The following AUH variants were observed in gnomAD, a reference collection of about 807,000 sequenced individuals.
AUH encodes the protein methylglutaconyl-CoA hydratase, mitochondrial.
A neutral mutation model predicts 42.3 loss-of-function variants in AUH; 29 were observed. The ratio of observed to expected loss-of-function variants is 0.69; its 90% CI spans 0.51 to 0.93. The LOEUF (loss-of-function observed/expected upper bound fraction) is 0.93, where lower values mean the gene tolerates loss of function less well. AUH is among the 40% of genes least tolerant of loss of function. AUH has a pLI of 0.00. For synonymous variants in AUH, 174 were observed against 166.4 expected, an observed-to-expected ratio of 1.05 and a Z score of -0.35; for missense variants, 452 against 438.1, an observed-to-expected ratio of 1.03 and a Z score of -0.28.
At chr9:91,245,924 G>A (rs373918428) in intron 6 of AUH, among the ~76,000 whole-genome samples, 1 of 152,166 alleles carries the variant, frequency 6.6e-6, no homozygotes, top group South Asian at 2.1e-4. Flanking sequence ...AGATGTGACG[G>A]GGATGGGGAC....
chr9:91,218,497 C>T (rs1350136607), intron 7 of AUH: 1 of 453,656 alleles, frequency 2.2e-6, no homozygotes, highest in Non-Finnish European at 2.9e-6. Flanking sequence ...TGTTAAAATG[C>T]AGATGTGGAC....
intron 4 of AUH, among the ~76,000 whole-genome samples, chr9:91,319,847 A>T (rs138447182): frequency 2.9e-4 from 44 of 152,344 alleles, no homozygotes; most frequent in African/African-American, 1.0e-3. Flanking sequence ...CAAAAGGTCA[A>T]ACGGTGCGCC....
intron 6 of AUH, among the ~76,000 whole-genome samples, chr9:91,263,969 G>A (rs1007365303): frequency 2.0e-5 from 3 of 152,080 alleles, no homozygotes; most frequent in African/African-American, 7.2e-5. Flanking sequence ...TGATACTGGA[G>A]CCACAACACA....
chr9:91,220,792 T>C lies in AUH; in HGVS notation c.843+13A>G, dbSNP rs747375365. On this transcript the variant is annotated intron_variant, in intron 7 of 9. Coordinates refer to ENST00000375731, the MANE Select transcript of AUH (RefSeq NM_001698.3). ...TAAAATGAGAAAAAATAAACTCATT[T>C]AATGAGAAATACCTGAGGTAAAAAC... The C allele has an allele frequency of 6.7e-5, 108 of 1,613,606 alleles. No individual in the cohort carries two copies. The highest frequency in any genetic ancestry group is 8.9e-5 in the Non-Finnish European group (105 of 1,179,786).
At chr9:91,273,268 G>A (rs961513391) in intron 6 of AUH, among the ~76,000 whole-genome samples, 1 of 152,162 alleles carries the variant, frequency 6.6e-6, no homozygotes, top group Admixed American at 6.5e-5. Flanking sequence ...TAAGATGCCG[G>A]CAAGGTTAAA....
intron 4 of AUH, among the ~76,000 whole-genome samples, chr9:91,325,054 A>C (rs923120400): frequency 4.6e-5 from 7 of 152,136 alleles, no homozygotes; most frequent in Non-Finnish European, 1.0e-4. Context: ...AGATATTGTA[A>C]GTCAAAGGCT....
At chr9:91,242,508 A>G (rs1048627038) in intron 6 of AUH, among the ~76,000 whole-genome samples, 8 of 152,224 alleles carry the variant, frequency 5.3e-5, no homozygotes, top group African/African-American at 1.9e-4. Flanking sequence ...AAAAGTGTGG[A>G]GAGAATACTA....
intron 7 of AUH, among the ~76,000 whole-genome samples, chr9:91,217,928 T>C (rs1328683238): frequency 6.6e-6 from 1 of 152,198 alleles, no homozygotes; most frequent in Non-Finnish European, 1.5e-5. Flanking sequence ...GGATATCTGT[T>C]GTGAGAAGGA....
At chr9:91,291,111 G>C (rs1350341505) in intron 6 of AUH, among the ~76,000 whole-genome samples, 2 of 152,108 alleles carry the variant, frequency 1.3e-5, no homozygotes, top group African/African-American at 4.8e-5. Flanking sequence ...GCATTCCTTG[G>C]CATGTAGATG....
chr9:91,323,655 G>T (rs181526878), intron 4 of AUH, among the ~76,000 whole-genome samples: 306 of 151,082 alleles, frequency 2.0e-3, no homozygotes, highest in Middle Eastern at 6.9e-3. Context: ...CTTTCCTACA[G>T]ACTATAATAA....
At chr9:91,269,187 G>A (rs1459211181) in intron 6 of AUH, among the ~76,000 whole-genome samples, 1 of 151,970 alleles carries the variant, frequency 6.6e-6, no homozygotes, top group Non-Finnish European at 1.5e-5. Flanking sequence ...CACCATATTG[G>A]CCAGGCTGGT....
intron 1 of AUH, among the ~76,000 whole-genome samples, chr9:91,357,679 C>T (rs1832527474): frequency 6.6e-6 from 1 of 152,114 alleles, no homozygotes; most frequent in South Asian, 2.1e-4. Context: ...GGAAAGCTTA[C>T]CCCAGACAGT....
chr9:91,341,412 A>C (rs937729505), intron 3 of AUH, among the ~76,000 whole-genome samples: 1 of 152,234 alleles, frequency 6.6e-6, no homozygotes, highest in Non-Finnish European at 1.5e-5. Flanking sequence ...AACACATCAA[A>C]GCCATATCTT....
At chr9:91,342,489 G>T (rs535190295) in intron 3 of AUH, among the ~76,000 whole-genome samples, 48 of 152,300 alleles carry the variant, frequency 3.2e-4, no homozygotes, top group Admixed American at 7.2e-4. Context: ...TCTGAACAGT[G>T]TCTGAAATAG....
chr9:91,320,737 T>C (rs1490434422), intron 4 of AUH, among the ~76,000 whole-genome samples: 4 of 152,208 alleles, frequency 2.6e-5, no homozygotes. Context: ...ATACACCAAT[T>C]TTCTGAAATT....
In AUH at chr9:91,248,982, A is replaced by G. The variant is rs184773939; in HGVS notation, c.656-27990T>C. ...TGGATACCTCCATGTAAATTATGAA[A>G]AACAGAAATGAGTAAAGAATACAAC... On this transcript the variant is annotated intron_variant, in intron 6 of 9. Coordinates refer to ENST00000375731, the MANE Select transcript of AUH (RefSeq NM_001698.3). Among the ~76,000 whole-genome samples, 16 of 152,268 alleles carry G rather than the reference A, an allele frequency of 1.1e-4. No homozygotes were observed. The East Asian group carries it at 3.1e-3, about 29-fold the overall frequency.
At chr9:91,293,117 T>A (rs1827043912) in intron 6 of AUH, among the ~76,000 whole-genome samples, 1 of 152,156 alleles carries the variant, frequency 6.6e-6, no homozygotes, top group East Asian at 1.9e-4. Flanking sequence ...AACGGGCTGT[T>A]CCCCCATCTC....
chr9:91,217,913 G>C (rs1310633448), intron 7 of AUH, among the ~76,000 whole-genome samples: 2 of 152,216 alleles, frequency 1.3e-5, no homozygotes, highest in Admixed American at 1.3e-4. Context: ...CACAAGGAAT[G>C]AACTGGATAT....
intron 3 of AUH, among the ~76,000 whole-genome samples, chr9:91,337,198 G>C (rs1414787514): frequency 6.6e-6 from 1 of 152,096 alleles, no homozygotes; most frequent in African/African-American, 2.4e-5. Context: ...CACATGGCAG[G>C]CTCTCTCTAA....
Sources: allele counts gnomAD v4.1 joint callset (sites outside exome capture counted in the v4.1 genomes callset), GRCh38; gene constraint gnomAD v4.1.1; transcripts MANE v1.5; gene names NCBI Gene and HGNC (gene_info 2026-07-23, HGNC 2026-07-21).